ZNF385C: variants seen among roughly 807,000 people sequenced by gnomAD.
The protein encoded by ZNF385C is CTD-2132N18.2.
ZNF385C carries 28 observed loss-of-function variants against 35.4 expected under a neutral mutation model. The observed-to-expected ratio is 0.79, with a 90% CI of 0.59 to 1.08. The LOEUF (loss-of-function observed/expected upper bound fraction) is 1.08. Among genes scored for constraint, ZNF385C ranks in the 50% least tolerant of loss-of-function variants. The probability of loss-of-function intolerance (pLI) is 0.00; values close to 1 mark genes in which losing one functional copy is unlikely to be tolerated. For synonymous variants in ZNF385C, 248 were observed against 248.2 expected, an observed-to-expected ratio of 1.00 and a Z score of 0.01; for missense variants, 605 against 595.6, an observed-to-expected ratio of 1.02 and a Z score of -0.16.
At chr17:42,094,847 C>T (rs919793450) in intron 1 of ZNF385C, among the ~76,000 whole-genome samples, 21 of 152,330 alleles carry the variant, frequency 1.4e-4, no homozygotes, top group Middle Eastern at 3.4e-3. Flanking sequence ...ATCTGGCCCC[C>T]AGCCACCCTC....
intron 1 of ZNF385C, among the ~76,000 whole-genome samples, chr17:42,088,702 G>A (rs556559319): frequency 6.6e-5 from 10 of 152,362 alleles, no homozygotes; most frequent in African/African-American, 1.7e-4. Flanking sequence ...GTGTTGGGGG[G>A]AAGAGCTCCA....
At chr17:42,088,646 G>A (rs1555660281) in intron 1 of ZNF385C, among the ~76,000 whole-genome samples, 1 of 152,232 alleles carries the variant, frequency 6.6e-6, no homozygotes, top group Non-Finnish European at 1.5e-5. Context: ...AAACGCCCCA[G>A]TTCTTGGTCT....
At chr17:42,049,579 C>T (rs2053242174) in intron 2 of ZNF385C, among the ~76,000 whole-genome samples, 1 of 152,246 alleles carries the variant, frequency 6.6e-6, no homozygotes, top group Non-Finnish European at 1.5e-5. Context: ...GACATCCTTT[C>T]CTCCCAAGAT....
chr17:42,088,203 G>A (rs1311794387), intron 1 of ZNF385C, among the ~76,000 whole-genome samples: 2 of 152,226 alleles, frequency 1.3e-5, no homozygotes, highest in Non-Finnish European at 2.9e-5. Flanking sequence ...TGCTGGGTCT[G>A]GGAGGTTGGG....
chr17:42,043,261 T>C lies in ZNF385C; in HGVS notation c.251-5376A>G, dbSNP rs2053070696. On this transcript the variant is annotated intron_variant, in intron 2 of 8. Coordinates refer to ENST00000692273, the MANE Select transcript of ZNF385C (RefSeq NM_001392013.1). ...CTCGAGGCAGAACATCAGCTTCCGC[T>C]CATAGTCAAAGTCCAGCCAGGTAAA... 3 of 1,232,158 alleles carry C rather than the reference T, an allele frequency of 2.4e-6. No individual in the cohort carries two copies. The Admixed American group carries it at 1.3e-4, about 52-fold the overall frequency. The allele number at this position is 1,232,158 out of a possible 1,614,324, so 76.3% of individuals were successfully genotyped here.
At chr17:42,032,776 A>G (rs1555655111) in intron 4 of ZNF385C, among the ~76,000 whole-genome samples, 1 of 150,912 alleles carries the variant, frequency 6.6e-6, no homozygotes, top group Non-Finnish European at 1.5e-5. Context: ...CAACGGGAGC[A>G]ATCTAGGCTC....
chr17:42,055,873 G>A lies in ZNF385C; in HGVS notation c.250+6934C>T, dbSNP rs532079116. Among the ~76,000 whole-genome samples, 8 of 152,246 alleles carry A rather than the reference G, an allele frequency of 5.3e-5. No homozygotes were observed. The South Asian group carries it at 6.2e-4, about 12-fold the overall frequency. ...GGGACCGATTCAAACAGGAGCTAGG[G>A]GAGGTCTGAGGATGCAGAGTAGGGG... On this transcript the variant is annotated intron_variant, in intron 2 of 8. Transcript: ENST00000692273.
chr17:42,055,274 C>T (rs942665594), intron 2 of ZNF385C, among the ~76,000 whole-genome samples: 1 of 152,100 alleles, frequency 6.6e-6, no homozygotes, highest in Non-Finnish European at 1.5e-5. Flanking sequence ...AGGAAGGAAA[C>T]TCAAGCCCAG....
chr17:42,037,742 T>C lies in ZNF385C; in HGVS notation c.394A>G (p.Ser132Gly), dbSNP rs958705709. Residue 132 changes from serine (S) to glycine (G), a missense_variant, in exon 3 of 9, where the codon AGC (serine) becomes GGC (glycine). Ser to Gly is a moderately conservative substitution (Grantham distance 56). Coordinates refer to ENST00000692273, the MANE Select transcript of ZNF385C (RefSeq NM_001392013.1). ...AAPLSLFPNFSTMDPVQKAVI... is the reference protein window; with the variant it reads ...AAPLSLFPNFGTMDPVQKAVI... ...CCCGCCAGCCCAGCCCATACCGTGCTGAAGTTGGGGAAGAGACTGAGCGGG... is the reference window on the plus strand; with the variant it reads ...CCCGCCAGCCCAGCCCATACCGTGCCGAAGTTGGGGAAGAGACTGAGCGGG... 7 of 1,531,758 alleles carry C rather than the reference T, an allele frequency of 4.6e-6. No homozygotes were observed. The highest frequency in any genetic ancestry group is 6.1e-6 in the Non-Finnish European group (7 of 1,138,930). The allele number at this position is 1,531,758 out of a possible 1,614,324, so 94.9% of individuals were successfully genotyped here.
intron 1 of ZNF385C, among the ~76,000 whole-genome samples, chr17:42,086,588 G>T (rs1419812210): frequency 6.6e-6 from 1 of 150,474 alleles, no homozygotes; most frequent in Non-Finnish European, 1.5e-5. Context: ...TGTCATTCCA[G>T]CTACTTGGGA....
chr17:42,039,822 GC>G (rs1188751238), intron 2 of ZNF385C: 136 of 1,231,022 alleles, frequency 1.1e-4, no homozygotes, highest in Non-Finnish European at 1.3e-4. Context: ...TCACCATGTG[GC>G]CCCCCCGGCC....
intron 1 of ZNF385C, among the ~76,000 whole-genome samples, chr17:42,073,997 T>C (rs1423814981): frequency 6.6e-6 from 1 of 152,110 alleles, no homozygotes; most frequent in Non-Finnish European, 1.5e-5. Flanking sequence ...TTGCCCCTGC[T>C]CTCCCCTCAG....
chr17:42,083,070 CCTT>C (rs782489970), intron 1 of ZNF385C, among the ~76,000 whole-genome samples: 56 of 152,010 alleles, frequency 3.7e-4, no homozygotes, highest in East Asian at 9.7e-4. Flanking sequence ...GAATGAAACT[CCTT>C]CTCAAAAAAA....
intron 1 of ZNF385C, among the ~76,000 whole-genome samples, chr17:42,088,695 T>C (rs538250388): frequency 2.0e-5 from 3 of 152,214 alleles, no homozygotes; most frequent in South Asian, 4.1e-4. Flanking sequence ...AGCCTGGGTG[T>C]TGGGGGGAAG....
intron 1 of ZNF385C, among the ~76,000 whole-genome samples, chr17:42,089,871 A>G (rs1381058222): frequency 1.3e-5 from 2 of 152,232 alleles, no homozygotes; most frequent in African/African-American, 4.8e-5. Context: ...GGGAAAAACA[A>G]AAATCTGATC....
chr17:42,027,563 G>T, intron 8 of ZNF385C, 55 bp downstream of exon 8: 1 of 245,652 alleles, frequency 4.1e-6, no homozygotes, highest in Non-Finnish European at 8.0e-6. Flanking sequence ...GGCCCTCCCA[G>T]CCCACCCTCT....
intron 2 of ZNF385C, among the ~76,000 whole-genome samples, chr17:42,058,709 G>A (rs574210279): frequency 5.3e-5 from 8 of 152,232 alleles, no homozygotes; most frequent in Admixed American, 6.5e-5. Flanking sequence ...AGGCTAGAGC[G>A]CAGTGGCGTG....
chr17:42,049,153 C>T (rs539488685), intron 2 of ZNF385C, among the ~76,000 whole-genome samples: 221 of 152,204 alleles, frequency 1.5e-3, no homozygotes, highest in African/African-American at 5.0e-3. Flanking sequence ...GTCCTTTGCC[C>T]GTGCTGTCCC....
At chr17:42,096,593 A>T (rs1469579714) in intron 1 of ZNF385C, among the ~76,000 whole-genome samples, 1 of 152,126 alleles carries the variant, frequency 6.6e-6, no homozygotes, top group Non-Finnish European at 1.5e-5. Flanking sequence ...CAATCCCCAA[A>T]CAGGACTTTC....
Sources: gnomAD v4.1 joint callset for allele counts (sites outside exome capture counted in the v4.1 genomes callset) on GRCh38, gnomAD v4.1.1 for gene constraint, MANE v1.5 for transcripts, NCBI Gene and HGNC (gene_info 2026-07-23, HGNC 2026-07-21) for gene names.